ADCY8: variants seen among roughly 807,000 people sequenced by gnomAD.
ADCY8 encodes the protein adenylate cyclase 8.
Under a neutral mutation model 119.7 loss-of-function variants are expected in ADCY8, and 51 were observed. That is an observed-to-expected ratio of 0.43 (90% CI 0.34 to 0.54). The LOEUF (loss-of-function observed/expected upper bound fraction) is 0.54, where lower values mean the gene tolerates loss of function less well. Ranked by LOEUF, ADCY8 falls within the 20% of genes least tolerant of loss-of-function variation. The probability of loss-of-function intolerance (pLI) is 0.03; values close to 1 mark genes in which losing one functional copy is unlikely to be tolerated. For synonymous variants in ADCY8, 665 were observed against 651.0 expected (o/e 1.02, Z -0.33); for missense variants, 1,383 against 1,598.8 (o/e 0.87, Z 2.30).
chr8:130,803,918 G>A (rs1815861873), intron 14 of ADCY8, among the ~76,000 whole-genome samples: 1 of 152,250 alleles, frequency 6.6e-6, no homozygotes, highest in South Asian at 2.1e-4. Context: ...AGCACAGGCA[G>A]CTGATGACTG....
intron 11 of ADCY8, among the ~76,000 whole-genome samples, chr8:130,838,495 T>C (rs1172949084): frequency 1.4e-5 from 2 of 143,900 alleles, no homozygotes; most frequent in African/African-American, 4.8e-5. Context: ...GCTCATTTTC[T>C]GCTCCAGAGA....
intron 1 of ADCY8, among the ~76,000 whole-genome samples, chr8:131,009,652 C>A (rs1179926066): frequency 2.6e-5 from 4 of 152,204 alleles, no homozygotes. Context: ...TGGACTAACA[C>A]AAAGACTGCG....
intron 4 of ADCY8, among the ~76,000 whole-genome samples, chr8:130,942,736 C>T (rs148546844): frequency 3.2e-4 from 49 of 152,284 alleles, no homozygotes; most frequent in African/African-American, 8.4e-4. Context: ...TGAAGTACAG[C>T]GTGATAATGA....
intron 14 of ADCY8, among the ~76,000 whole-genome samples, chr8:130,801,765 C>A (rs1469371361): frequency 3.3e-5 from 5 of 152,202 alleles, no homozygotes; most frequent in African/African-American, 1.2e-4. Context: ...TCAATGCACA[C>A]ATGTAAGTTT....
chr8:130,810,671 T>A (rs551817223), intron 14 of ADCY8, among the ~76,000 whole-genome samples: 1 of 152,348 alleles, frequency 6.6e-6, no homozygotes, highest in Admixed American at 6.5e-5. Context: ...AATGTGAAAA[T>A]TCTCTAGGCA....
chr8:130,976,343 A>C (rs972004186), intron 2 of ADCY8, among the ~76,000 whole-genome samples: 3 of 152,328 alleles, frequency 2.0e-5, no homozygotes, highest in Non-Finnish European at 4.4e-5. Context: ...TGATAAAGCA[A>C]ACTGTATTTC....
chr8:130,873,254 A>G (rs1166673654), intron 8 of ADCY8, among the ~76,000 whole-genome samples: 2 of 152,182 alleles, frequency 1.3e-5, no homozygotes, highest in African/African-American at 4.8e-5. Context: ...CATTTCTACA[A>G]GATGTAGAAG....
chr8:131,032,594 C>T (rs1038060868), intron 1 of ADCY8, among the ~76,000 whole-genome samples: 1 of 152,070 alleles, frequency 6.6e-6, no homozygotes, highest in Non-Finnish European at 1.5e-5. Context: ...GTGCCTGGGC[C>T]TCCTGTGGAA....
chr8:130,945,208 A>G lies in ADCY8; in HGVS notation c.1242-1746T>C, dbSNP rs143083095. The stretch of plus-strand genomic sequence containing the variant: ...AAAGAAGAGAGAGATGAGGTCAGAA[A>G]TACAGGTGGGGCAATGATGGAGAAG... On this transcript the variant is annotated intron_variant, in intron 3 of 17. Transcript: ENST00000286355. 1.0e-3 allele frequency among the ~76,000 whole-genome samples: 157 copies of G among 152,344 alleles called. 1 individual carries two copies. Among genetic ancestry groups the G allele is most frequent in the Non-Finnish European group, 2.0e-3 (139 of 68,026 alleles).
intron 2 of ADCY8, among the ~76,000 whole-genome samples, chr8:130,968,171 C>T (rs1035313527): frequency 2.0e-5 from 3 of 150,420 alleles, no homozygotes; most frequent in African/African-American, 7.4e-5. Flanking sequence ...AAAAGTTATT[C>T]TGCTTTTTTT....
intron 1 of ADCY8, among the ~76,000 whole-genome samples, chr8:131,000,263 A>G (rs1162035982): frequency 1.3e-5 from 2 of 152,188 alleles, no homozygotes; most frequent in Non-Finnish European, 2.9e-5. Context: ...ATATTCAGAG[A>G]AAACAAAGCC....
chr8:130,934,679 A>T (rs988483529), intron 5 of ADCY8, among the ~76,000 whole-genome samples: 1 of 152,182 alleles, frequency 6.6e-6, no homozygotes. Flanking sequence ...AGCCTTTTCC[A>T]TTAACCAAAA....
At chr8:130,916,644 A>C (rs778750629) in intron 5 of ADCY8, among the ~76,000 whole-genome samples, 11 of 152,220 alleles carry the variant, frequency 7.2e-5, no homozygotes, top group Non-Finnish European at 1.5e-4. Flanking sequence ...AGGGCAAGGA[A>C]CACCTGGCCC....
chr8:131,039,487 T>C lies in ADCY8; in HGVS notation c.847A>G (p.Ser283Gly), dbSNP rs772993294. 1.1e-5 allele frequency: 18 copies of C among 1,613,904 alleles called. No homozygotes were observed. The highest frequency in any genetic ancestry group is 2.2e-5 in the East Asian group (1 of 44,872). ...CAGGTGAGCGGCAGCGGCAGCATAC[T>C]GTAGGTGGCGAAGAGCGTGAAGAGC... ...YVLFTLFATY[S>G]MLPLPLTWAI... The change falls in exon 1 of 18, where the codon AGT becomes GGT. Residue 283 changes from serine to glycine, a missense_variant. Physicochemically the swap from Ser to Gly is moderately conservative, Grantham distance 56. Transcript: ENST00000286355.
At chr8:130,808,799 C>T (rs544531818) in intron 14 of ADCY8, among the ~76,000 whole-genome samples, 5 of 152,302 alleles carry the variant, frequency 3.3e-5, no homozygotes, top group South Asian at 4.2e-4. Context: ...GGTAACCTGG[C>T]GTAGGTCACA....
At chr8:130,961,457 A>G (rs1266349903) in intron 2 of ADCY8, among the ~76,000 whole-genome samples, 10 of 63,340 alleles carry the variant, frequency 1.6e-4, no homozygotes. Flanking sequence ...CTTTATGAAG[A>G]GATTTATGAG....
intron 3 of ADCY8, 57 bp downstream of exon 3, chr8:130,951,811 G>A (rs748051994): frequency 2.5e-6 from 4 of 1,592,708 alleles, no homozygotes; most frequent in Admixed American, 1.7e-5. Context: ...TGCAATGAGA[G>A]CACCCAAACA....
chr8:130,825,963 A>G (rs1816657634), intron 12 of ADCY8, among the ~76,000 whole-genome samples: 1 of 152,166 alleles, frequency 6.6e-6, no homozygotes. Context: ...CTTCCGCAGG[A>G]TCTTTCAGCC....
intron 12 of ADCY8, among the ~76,000 whole-genome samples, chr8:130,829,486 A>AATACTT (rs781208280): frequency 0.057 from 8,740 of 152,236 alleles, 392 homozygotes; most frequent in East Asian, 0.23. Context: ...ATTTTATGTA[A>AATACTT]GAAAGGATCT....
Sources: gnomAD v4.1 joint callset for allele counts (sites outside exome capture counted in the v4.1 genomes callset) on GRCh38, gnomAD v4.1.1 for gene constraint, MANE v1.5 for transcripts, NCBI Gene and HGNC (gene_info 2026-07-23, HGNC 2026-07-21) for gene names.